Variants in FAM216A observed in about 807,000 individuals in gnomAD.
The protein encoded by FAM216A is protein FAM216A.
A neutral mutation model predicts 37.6 loss-of-function variants in FAM216A; 26 were observed. The observed-to-expected ratio is 0.69, with a 90% CI of 0.51 to 0.96. The LOEUF is 0.96. FAM216A is among the 40% of genes least tolerant of loss of function. The probability of loss-of-function intolerance (pLI) is 0.00; values close to 1 mark genes in which losing one functional copy is unlikely to be tolerated. For synonymous variants in FAM216A, 110 were observed against 121.7 expected (o/e 0.90, Z 0.64); for missense variants, 326 against 339.3 (o/e 0.96, Z 0.31).
At chr12:110,489,324 G>A (rs774376728) in intron 6 of FAM216A, among the ~76,000 whole-genome samples, 18 of 152,112 alleles carry the variant, frequency 1.2e-4, no homozygotes, top group Non-Finnish European at 1.6e-4. Context: ...GACCAACATG[G>A]AGAAACCCTG....
At chr12:110,483,627 C>T (rs962827020) in intron 2 of FAM216A, among the ~76,000 whole-genome samples, 1 of 152,122 alleles carries the variant, frequency 6.6e-6, no homozygotes, top group African/African-American at 2.4e-5. Context: ...TGTTTGGGAC[C>T]AGCCTAGCCA....
At chr12:110,468,507 C>G, upstream of FAM216A, 1 of 1,537,286 alleles carries the variant, frequency 6.5e-7, no homozygotes, top group Non-Finnish European at 8.7e-7. Flanking sequence ...AGCTCCGCAT[C>G]CTTGCGCCAC....
chr12:110,469,075 C>T, intron 1 of FAM216A, 57 bp downstream of exon 1: 1 of 1,372,284 alleles, frequency 7.3e-7, no homozygotes, highest in Non-Finnish European at 9.4e-7. Flanking sequence ...GGTCGTGAGG[C>T]CCCCGGGTCG....
intron 3 of FAM216A, 80 bp downstream of exon 3, chr12:110,485,279 G>A: frequency 7.5e-7 from 1 of 1,336,514 alleles, no homozygotes; most frequent in Non-Finnish European, 1.0e-6. Flanking sequence ...CAGCTGCTTA[G>A]AGGGTGAGAT....
chr12:110,490,214 T>C lies in FAM216A; in HGVS notation c.*77T>C. ...TGAGTTGTGTCCTGTATGTTTAGGA[T>C]GGTATTGTTATTTATTAAATCATTA... is the stretch of plus-strand genomic sequence containing the variant. On this transcript the variant is annotated 3_prime_UTR_variant, in exon 7 of 7. Coordinates refer to ENST00000377673, the MANE Select transcript of FAM216A (RefSeq NM_013300.3). 1.3e-6 allele frequency: 1 copy of C among 783,056 alleles called. No homozygotes were observed. Among genetic ancestry groups the C allele is most frequent in the Admixed American group, 2.0e-5 (1 of 49,340 alleles). The allele number at this position is 783,056 out of a possible 1,614,324, so 48.5% of individuals were successfully genotyped here. A position where few individuals can be genotyped will look rare whatever the true frequency, so the allele number is the denominator to read the frequency against.
intron 2 of FAM216A, 74 bp from the exon 3 acceptor site, chr12:110,485,004 T>A (rs2062769204): frequency 6.7e-7 from 1 of 1,493,808 alleles, no homozygotes; most frequent in African/African-American, 1.4e-5. Context: ...CCGGCCTAAA[T>A]ATCTAGATCT....
intron 2 of FAM216A, among the ~76,000 whole-genome samples, chr12:110,480,193 ATTTTTTTTTTTT>A (rs71083126): frequency 2.9e-4 from 9 of 30,846 alleles, no homozygotes; most frequent in African/African-American, 6.6e-4. Context: ...CGCCTAGCTA[ATTTTTTTTTTTT>A]TTTTTTTTTT....
chr12:110,476,431 A>C (rs1023294136), intron 2 of FAM216A, among the ~76,000 whole-genome samples: 21 of 150,858 alleles, frequency 1.4e-4, no homozygotes, highest in Non-Finnish European at 3.0e-4. Flanking sequence ...GATGGTCTCA[A>C]TCTCCTGACC....
chr12:110,476,347 C>T (rs1185610831), intron 2 of FAM216A, among the ~76,000 whole-genome samples: 2 of 151,632 alleles, frequency 1.3e-5, no homozygotes, highest in African/African-American at 2.4e-5. Context: ...CTACAGTCGC[C>T]CACCACCACG....
chr12:110,486,057 A>G (rs563230708), intron 3 of FAM216A, among the ~76,000 whole-genome samples: 13 of 152,348 alleles, frequency 8.5e-5, no homozygotes, highest in African/African-American at 2.9e-4. Flanking sequence ...TTGACAGAAC[A>G]GCAGATTCGC....
chr12:110,485,098 A>C lies in FAM216A; in HGVS notation c.205A>C (p.Lys69Gln). The change falls in exon 3 of 7, where the codon AAA becomes CAA. Residue 69 changes from lysine (K) to glutamine (Q), a missense_variant. Lys to Gln is a moderately conservative substitution (Grantham distance 53, BLOSUM62 1). Coordinates refer to ENST00000377673, the MANE Select transcript of FAM216A (RefSeq NM_013300.3). ...TACAGATAGAATCAAAGATGGATAC[A>C]AAGTGAACTCACACATAGCTAAGCT... ...KGSDRIKDGYKVNSHIAKLQE... is the reference protein window; with the variant it reads ...KGSDRIKDGYQVNSHIAKLQE... The C allele has an allele frequency of 6.2e-7, 1 of 1,611,292 alleles. No individual in the cohort carries two copies.
rs149937259 is a variant in FAM216A, at chr12:110,490,102, A to G, written c.787A>G (p.Ile263Val). 5.1e-6 allele frequency: 8 copies of G among 1,571,396 alleles called. No homozygotes were observed. The African/African-American group carries it at 9.4e-5, about 19-fold the overall frequency. ...LLNNFMQSMS[I>V]EEQGEHLMLT ...AAATAATTTTATGCAATCAATGTCA[A>G]TTGAAGAACAGGGAGAACATCTGAT... The change falls in exon 7 of 7, where the codon ATT (isoleucine) becomes GTT (valine). Residue 263 changes from isoleucine (I) to valine (V), a missense_variant. Ile to Val is a conservative substitution (Grantham distance 29, BLOSUM62 3). Coordinates refer to ENST00000377673, the MANE Select transcript of FAM216A (RefSeq NM_013300.3).
chr12:110,474,941 G>A (rs1036293081), intron 2 of FAM216A, among the ~76,000 whole-genome samples: 3 of 151,556 alleles, frequency 2.0e-5, no homozygotes, highest in African/African-American at 4.8e-5. Context: ...GCGGTGAGCC[G>A]AGATCGCGCC....
chr12:110,478,287 C>T (rs2062726071), intron 2 of FAM216A, among the ~76,000 whole-genome samples: 1 of 152,150 alleles, frequency 6.6e-6, no homozygotes, highest in Non-Finnish European at 1.5e-5. Context: ...TAGCACAAAA[C>T]GTTGTACTGT....
intron 2 of FAM216A, among the ~76,000 whole-genome samples, chr12:110,475,909 A>G (rs2062712273): frequency 6.6e-6 from 1 of 151,660 alleles, no homozygotes; most frequent in Non-Finnish European, 1.5e-5. Context: ...GCTAATTTTT[A>G]TATTTTTAGT....
Position 110,487,883 on chromosome 12 carries a change from A to T in FAM216A, c.643A>T (p.Lys215Ter). Residue 215 changes from lysine (K) to a stop codon, truncating the protein, a stop_gained, in exon 6 of 7, where the codon AAA becomes TAA. Transcript: ENST00000377673. LOFTEE classifies it high-confidence loss of function. ...KEGIKTGYAS[K>*]TRCKSLKIFR... is the part of the protein sequence containing the mutation. ...TAGGATAAAAACTGGATATGCATCT[A>T]AAACAAGATGTAAGTCACTGAAGAT... 6.2e-7 allele frequency: 1 copy of T among 1,604,912 alleles called. No homozygotes were observed. The highest frequency in any genetic ancestry group is 1.3e-5 in the African/African-American group (1 of 74,774).
chr12:110,484,916 G>A (rs2135553918), intron 2 of FAM216A, among the ~76,000 whole-genome samples, 162 bp from the exon 3 acceptor site: 1 of 152,142 alleles, frequency 6.6e-6, no homozygotes, highest in African/African-American at 2.4e-5. Flanking sequence ...TAGCCAGGAT[G>A]GTCTCGATCT....
chr12:110,472,556 C>G (rs781432450), intron 1 of FAM216A, among the ~76,000 whole-genome samples: 22 of 151,748 alleles, frequency 1.4e-4, no homozygotes, highest in Non-Finnish European at 2.4e-4. Context: ...GAGACCCCAT[C>G]TCTAAAAAAG....
Position 110,486,635 on chromosome 12 carries a change from G to A in FAM216A, c.538G>A (p.Gly180Arg), listed in dbSNP as rs144374577. Residue 180 changes from glycine (G) to arginine (R), a missense_variant, in exon 5 of 7, where the codon GGG (glycine) becomes AGG (arginine). Gly to Arg is a moderately radical substitution (Grantham distance 125). Coordinates refer to ENST00000377673, the MANE Select transcript of FAM216A (RefSeq NM_013300.3). ...ACATCAACTGGAGAGAGAGGACTCG[G>A]GGTCTTCTGATATCGCAGCTGCATC... ...WRHQLEREDSGSSDIAAASAP... is the reference protein window; with the variant it reads ...WRHQLEREDSRSSDIAAASAP... 2 of 1,614,042 alleles carry A rather than the reference G, an allele frequency of 1.2e-6. No individual in the cohort carries two copies. Among genetic ancestry groups the A allele is most frequent in the Non-Finnish European group, 1.7e-6 (2 of 1,180,038 alleles).
Sources: gnomAD v4.1 joint callset for allele counts (sites outside exome capture counted in the v4.1 genomes callset) on GRCh38, gnomAD v4.1.1 for gene constraint, MANE v1.5 for transcripts, NCBI Gene and HGNC (gene_info 2026-07-23, HGNC 2026-07-21) for gene names.